The following CCDC148 variants were observed in gnomAD, a reference collection of about 807,000 sequenced individuals.
CCDC148 encodes coiled-coil domain-containing protein 148.
In CCDC148, 89 loss-of-function variants were observed where a neutral mutation model predicts 85.7. The observed-to-expected ratio is 1.04, with a 90% CI of 0.87 to 1.24. The LOEUF is 1.24. Among genes scored for constraint, CCDC148 ranks in the 50% most tolerant of loss-of-function variants. CCDC148 has a pLI of 0.00. For synonymous variants in CCDC148, 230 were observed against 213.9 expected (o/e 1.08, Z -0.66); for missense variants, 692 against 671.7 (o/e 1.03, Z -0.33).
chr2:158,237,740 C>T (rs570684187), intron 10 of CCDC148, among the ~76,000 whole-genome samples: 23 of 152,096 alleles, frequency 1.5e-4, no homozygotes, highest in Non-Finnish European at 2.6e-4. Context: ...AAATGGTATA[C>T]GAAGTCATAT....
At chr2:158,288,402 A>C (rs1001185942) in intron 9 of CCDC148, among the ~76,000 whole-genome samples, 2 of 152,188 alleles carry the variant, frequency 1.3e-5, no homozygotes, top group African/African-American at 4.8e-5. Flanking sequence ...TTTAAAACTG[A>C]ATGCCTTTAA....
At position 158,269,187 on chromosome 2, in the gene CCDC148, T is replaced by C. The variant is rs1359532722; in HGVS notation, c.1111-18275A>G. Among the ~76,000 whole-genome samples, 4 of 152,188 alleles carry C rather than the reference T, an allele frequency of 2.6e-5. No homozygotes were observed. In the East Asian group the frequency reaches 7.7e-4, roughly 29 times the overall value. ...CCAATTTACATGCCCACCAACAGTGTAGAAGAATTCCTTTTTCTCTACATC... is the reference window on the plus strand; with the variant it reads ...CCAATTTACATGCCCACCAACAGTGCAGAAGAATTCCTTTTTCTCTACATC... On this transcript the variant is annotated intron_variant, in intron 9 of 13. Transcript: ENST00000283233.
intron 1 of CCDC148, among the ~76,000 whole-genome samples, chr2:158,389,703 T>C (rs1387063606): frequency 6.6e-6 from 1 of 152,252 alleles, no homozygotes; most frequent in Admixed American, 6.5e-5. Context: ...ACTTTACTTG[T>C]AATTATTTTC....
Position 158,436,100 on chromosome 2 carries a change from T to C in CCDC148, c.25+20315A>G, listed in dbSNP as rs558519295. 5.3e-5 allele frequency among the ~76,000 whole-genome samples: 8 copies of C among 152,224 alleles called. No individual in the cohort carries two copies. The East Asian group carries it at 1.2e-3, about 22-fold the overall frequency. On this transcript the variant is annotated intron_variant, in intron 1 of 13. Coordinates refer to ENST00000283233, the MANE Select transcript of CCDC148 (RefSeq NM_138803.4). ...GAAAGTTAACAAGGATACCCAGGAA[T>C]TGAACTCAACTCTGCACCAGGCAGA...
intron 1 of CCDC148, among the ~76,000 whole-genome samples, chr2:158,446,509 T>A (rs906894489): frequency 1.4e-4 from 22 of 152,176 alleles, no homozygotes; most frequent in African/African-American, 5.3e-4. Context: ...GAAATGCCAT[T>A]AGGAATATTT....
chr2:158,265,898 C>A (rs1260852976), intron 9 of CCDC148, among the ~76,000 whole-genome samples: 2 of 152,114 alleles, frequency 1.3e-5, no homozygotes, highest in Non-Finnish European at 2.9e-5. Context: ...CCACCCTAGA[C>A]TTCTTTTTCT....
chr2:158,310,605 C>T (rs931176354), intron 8 of CCDC148, among the ~76,000 whole-genome samples: 7 of 150,894 alleles, frequency 4.6e-5, no homozygotes, highest in Admixed American at 1.3e-4. Flanking sequence ...ACTTCTCAGA[C>T]GGGGCGGCCA....
chr2:158,390,569 G>A (rs1347747394), intron 1 of CCDC148, among the ~76,000 whole-genome samples: 1 of 152,092 alleles, frequency 6.6e-6, no homozygotes, highest in Non-Finnish European at 1.5e-5. Context: ...TGAGGCCAAA[G>A]AAAGCCTGAA....
At chr2:158,346,558 C>T (rs1409605161) in intron 2 of CCDC148, among the ~76,000 whole-genome samples, 1 of 152,190 alleles carries the variant, frequency 6.6e-6, no homozygotes, top group Non-Finnish European at 1.5e-5. Flanking sequence ...TTAAAAACCG[C>T]TCTACTCTAA....
chr2:158,347,299 C>T (rs562807393), intron 2 of CCDC148, among the ~76,000 whole-genome samples: 1 of 152,048 alleles, frequency 6.6e-6, no homozygotes, highest in African/African-American at 2.4e-5. Flanking sequence ...AATGCTCTCG[C>T]CTTTGGGCCC....
chr2:158,221,668 A>G (rs1437719149), intron 10 of CCDC148, among the ~76,000 whole-genome samples: 1 of 152,192 alleles, frequency 6.6e-6, no homozygotes, highest in Non-Finnish European at 1.5e-5. Context: ...GACTTGCCCT[A>G]GCAACATGGT....
At position 158,314,459 on chromosome 2, in the gene CCDC148, T is replaced by C. The variant is rs1008717780; in HGVS notation, c.765-565A>G. 9.8e-5 allele frequency among the ~76,000 whole-genome samples: 15 copies of C among 152,292 alleles called. 1 individual carries two copies. Among genetic ancestry groups the C allele is most frequent in the African/African-American group, 3.4e-4 (14 of 41,578 alleles). On this transcript the variant is annotated intron_variant, in intron 7 of 13. Coordinates refer to ENST00000283233, the MANE Select transcript of CCDC148 (RefSeq NM_138803.4). ...ATACTAAATATTGATAGTGAAAAGA[T>C]AACCAACGGCATTAAAACCACTGAA...
chr2:158,201,416 A>AT (rs34363114), intron 11 of CCDC148, among the ~76,000 whole-genome samples: 51,522 of 149,100 alleles, frequency 0.35, 9,488 homozygotes, highest in East Asian at 0.63. Context: ...ATTTGTTACT[A>AT]TTTTTTTTTT....
At chr2:158,337,357 T>A (rs911520584) in intron 7 of CCDC148, among the ~76,000 whole-genome samples, 1 of 152,138 alleles carries the variant, frequency 6.6e-6, no homozygotes, top group Non-Finnish European at 1.5e-5. Context: ...CTGATTATAA[T>A]GCCCTCTCCC....
intron 9 of CCDC148, among the ~76,000 whole-genome samples, chr2:158,275,814 T>A (rs1397115811): frequency 6.6e-6 from 1 of 151,994 alleles, no homozygotes; most frequent in African/African-American, 2.4e-5. Flanking sequence ...AAAAAGTATA[T>A]CCTATGATGA....
At chr2:158,389,324 C>T (rs1685212311) in intron 1 of CCDC148, among the ~76,000 whole-genome samples, 2 of 152,076 alleles carry the variant, frequency 1.3e-5, no homozygotes, top group Admixed American at 1.3e-4. Flanking sequence ...GGACTCCTTT[C>T]AACTATTTTA....
intron 3 of CCDC148, among the ~76,000 whole-genome samples, chr2:158,341,965 A>G (rs1682723279): frequency 7.2e-6 from 1 of 139,812 alleles, no homozygotes; most frequent in Admixed American, 7.2e-5. Context: ...AATAGTTTTC[A>G]TAATTATCAT....
Position 158,220,634 on chromosome 2 carries a change from T to C in CCDC148, c.1331A>G (p.Lys444Arg). 1 of 1,602,984 alleles carries C rather than the reference T, an allele frequency of 6.2e-7. No individual in the cohort carries two copies. The highest frequency in any genetic ancestry group is 8.5e-7 in the Non-Finnish European group (1 of 1,177,556). ...TAGTGACTGTTCAGCGATTAATTTC[T>C]TCAGTTCTTCTAGACGCTGAAGATC... ...MRDLQRLEEL[K>R]KLIAEQSLKD... Residue 444 changes from lysine to arginine, a missense_variant, in exon 11 of 14, where the codon AAG becomes AGG. Coordinates refer to ENST00000283233, the MANE Select transcript of CCDC148 (RefSeq NM_138803.4).
chr2:158,290,358 G>A (rs1690830522), intron 9 of CCDC148, among the ~76,000 whole-genome samples: 1 of 152,216 alleles, frequency 6.6e-6, no homozygotes, highest in Non-Finnish European at 1.5e-5. Flanking sequence ...GCATCTGCCA[G>A]CTTTTTCGCT....
Sources: gnomAD v4.1 joint callset for allele counts (sites outside exome capture counted in the v4.1 genomes callset) on GRCh38, gnomAD v4.1.1 for gene constraint, MANE v1.5 for transcripts, NCBI Gene and HGNC (gene_info 2026-07-23, HGNC 2026-07-21) for gene names.